SORCS2: variants seen among roughly 807,000 people sequenced by gnomAD.
The protein encoded by SORCS2 is VPS10 domain-containing receptor SorCS2.
In SORCS2, 100 loss-of-function variants were observed where a neutral mutation model predicts 141.6. The ratio of observed to expected loss-of-function variants is 0.71; its 90% CI spans 0.60 to 0.83. The LOEUF (loss-of-function observed/expected upper bound fraction) is 0.83, where lower values mean the gene tolerates loss of function less well. Among genes scored for constraint, SORCS2 ranks in the 40% least tolerant of loss-of-function variants. SORCS2 has a pLI of 0.00. For missense variants in SORCS2, 1,646 were observed against 1,560.2 expected (o/e 1.05, Z -0.93); for synonymous variants, 789 against 676.9 (o/e 1.17, Z -2.57).
intron 1 of SORCS2, among the ~76,000 whole-genome samples, chr4:7,356,894 C>G (rs1224356279): frequency 1.3e-5 from 2 of 152,356 alleles, no homozygotes; most frequent in African/African-American, 4.8e-5. Context: ...CAGGCTTGTC[C>G]TGGGGCGACC....
At chr4:7,342,296 G>C (rs952805656) in intron 1 of SORCS2, among the ~76,000 whole-genome samples, 1 of 152,224 alleles carries the variant, frequency 6.6e-6, no homozygotes, top group Non-Finnish European at 1.5e-5. Flanking sequence ...CACTGTCGGC[G>C]GAGGGCTGCC....
intron 2 of SORCS2, among the ~76,000 whole-genome samples, chr4:7,481,292 G>T (rs16840376): frequency 0.093 from 14,097 of 152,340 alleles, 697 homozygotes; most frequent in African/African-American, 0.13. Context: ...CCACACAGGG[G>T]TCTTCGCTGC....
chr4:7,249,479 C>T (rs1010471899), intron 1 of SORCS2, among the ~76,000 whole-genome samples: 2 of 152,166 alleles, frequency 1.3e-5, no homozygotes, highest in African/African-American at 4.8e-5. Flanking sequence ...AGCCCAGGTT[C>T]AAGGGGAGGG....
chr4:7,532,470 T>A (rs1711743812), intron 3 of SORCS2, among the ~76,000 whole-genome samples: 1 of 152,186 alleles, frequency 6.6e-6, no homozygotes. Flanking sequence ...TGTGCTCAGC[T>A]CTAATGGTGA....
intron 1 of SORCS2, among the ~76,000 whole-genome samples, chr4:7,200,716 G>A (rs1727439710): frequency 6.6e-6 from 1 of 152,152 alleles, no homozygotes; most frequent in African/African-American, 2.4e-5. Flanking sequence ...CGTGCCTGCT[G>A]TTCACGCTTG....
At chr4:7,635,169 G>C (rs1720161190) in intron 3 of SORCS2, among the ~76,000 whole-genome samples, 1 of 152,176 alleles carries the variant, frequency 6.6e-6, no homozygotes, top group Non-Finnish European at 1.5e-5. Flanking sequence ...ACTGGGTGTG[G>C]TACAGACAGG....
At chr4:7,411,978 C>T (rs1273587476) in intron 2 of SORCS2, among the ~76,000 whole-genome samples, 2 of 152,234 alleles carry the variant, frequency 1.3e-5, no homozygotes, top group African/African-American at 4.8e-5. Context: ...AGCACACCCC[C>T]ACCATCCCTA....
At chr4:7,324,580 A>G (rs763745611) in intron 1 of SORCS2, among the ~76,000 whole-genome samples, 11 of 152,216 alleles carry the variant, frequency 7.2e-5, no homozygotes, top group Non-Finnish European at 1.3e-4. Context: ...ATTACAGTGA[A>G]AAGCAGGGGA....
chr4:7,533,572 G>A (rs561116549), intron 3 of SORCS2, among the ~76,000 whole-genome samples: 49 of 152,232 alleles, frequency 3.2e-4, no homozygotes, highest in Non-Finnish European at 4.3e-4. Context: ...CCAGCTGGGA[G>A]GGTCCACAGG....
chr4:7,531,825 C>G (rs987905198), intron 3 of SORCS2, among the ~76,000 whole-genome samples, 196 bp downstream of exon 3: 2 of 152,258 alleles, frequency 1.3e-5, no homozygotes, highest in African/African-American at 4.8e-5. Context: ...AACCAGAGGC[C>G]AGGCTTTGGA....
At chr4:7,363,180 C>G (rs1188178076) in intron 1 of SORCS2, among the ~76,000 whole-genome samples, 1 of 148,300 alleles carries the variant, frequency 6.7e-6, no homozygotes. Flanking sequence ...CATTACTACC[C>G]TCATCACCAC....
At chr4:7,602,144 C>T (rs967330277) in intron 3 of SORCS2, among the ~76,000 whole-genome samples, 4 of 152,258 alleles carry the variant, frequency 2.6e-5, no homozygotes, top group African/African-American at 9.6e-5. Context: ...TCGACAAAAC[C>T]GCCATCGTCA....
intron 9 of SORCS2, among the ~76,000 whole-genome samples, chr4:7,676,984 C>T (rs563102226): frequency 1.4e-5 from 2 of 141,148 alleles, no homozygotes; most frequent in South Asian, 4.6e-4. Context: ...CCCTTCATCT[C>T]CTCCTTCCTC....
chr4:7,639,369 G>T (rs1387850001), intron 4 of SORCS2, among the ~76,000 whole-genome samples: 1 of 152,092 alleles, frequency 6.6e-6, no homozygotes, highest in Admixed American at 6.5e-5. Context: ...GCACCTTCAG[G>T]CTTCAAATCT....
intron 4 of SORCS2, among the ~76,000 whole-genome samples, chr4:7,642,461 A>C (rs944914840): frequency 6.6e-6 from 1 of 152,252 alleles, no homozygotes; most frequent in Non-Finnish European, 1.5e-5. Flanking sequence ...TAAGGGGAGA[A>C]AAAGGCTTAG....
intron 8 of SORCS2, among the ~76,000 whole-genome samples, chr4:7,668,455 C>G (rs1455740721): frequency 6.6e-6 from 1 of 152,024 alleles, no homozygotes; most frequent in African/African-American, 2.4e-5. Context: ...GCGCTAAGAC[C>G]CTGAGGTAGA....
intron 12 of SORCS2, among the ~76,000 whole-genome samples, chr4:7,702,697 C>T (rs1725164552): frequency 6.6e-6 from 1 of 152,262 alleles, no homozygotes; most frequent in African/African-American, 2.4e-5. Context: ...TCCCTGGCAC[C>T]AAGGTCTGAG....
intron 1 of SORCS2, among the ~76,000 whole-genome samples, chr4:7,206,492 G>A (rs999524383): frequency 2.6e-5 from 4 of 152,186 alleles, no homozygotes; most frequent in Admixed American, 6.5e-5. Flanking sequence ...CCGGCTCCAC[G>A]AGTAACCTGG....
At chr4:7,404,249 T>C (rs1034808507) in intron 2 of SORCS2, among the ~76,000 whole-genome samples, 5 of 152,226 alleles carry the variant, frequency 3.3e-5, no homozygotes, top group African/African-American at 1.2e-4. Flanking sequence ...CATCCATTGA[T>C]AGACACTTGA....
Sources: gnomAD v4.1 joint callset for allele counts (sites outside exome capture counted in the v4.1 genomes callset) on GRCh38, gnomAD v4.1.1 for gene constraint, MANE v1.5 for transcripts, NCBI Gene and HGNC (gene_info 2026-07-23, HGNC 2026-07-21) for gene names.